Variants in GRM5 observed in about 807,000 individuals in gnomAD.
GRM5 encodes metabotropic glutamate receptor 5.
A neutral mutation model predicts 83.1 loss-of-function variants in GRM5; 19 were observed. The ratio of observed to expected loss-of-function variants is 0.23; its 90% CI spans 0.16 to 0.34. GRM5 has a LOEUF of 0.34. GRM5 is among the 10% of genes least tolerant of loss of function. GRM5 has a pLI of 1.00. For synonymous variants in GRM5, 675 were observed against 633.6 expected (o/e 1.07, Z -0.98); for missense variants, 1,160 against 1,588.3 (o/e 0.73, Z 4.58).
chr11:88,809,951 T>A (rs754850268), intron 3 of GRM5, among the ~76,000 whole-genome samples: 12 of 152,058 alleles, frequency 7.9e-5, no homozygotes, highest in Non-Finnish European at 1.5e-4. Flanking sequence ...ATATTTGAAT[T>A]TAATTGTGTG....
chr11:88,754,267 C>T (rs1174958587), intron 3 of GRM5, among the ~76,000 whole-genome samples: 2 of 152,152 alleles, frequency 1.3e-5, no homozygotes, highest in East Asian at 1.9e-4. Flanking sequence ...GAGCAACACA[C>T]ACTGGGTCCT....
At chr11:88,709,788 G>C (rs1941242992) in intron 3 of GRM5, among the ~76,000 whole-genome samples, 1 of 152,120 alleles carries the variant, frequency 6.6e-6, no homozygotes, top group Admixed American at 6.5e-5. Context: ...TTTTGAATGT[G>C]TGAATGCCCC....
chr11:88,590,127 G>T (rs1937613130), intron 7 of GRM5, among the ~76,000 whole-genome samples: 1 of 152,100 alleles, frequency 6.6e-6, no homozygotes, highest in African/African-American at 2.4e-5. Context: ...ATACTTAAAA[G>T]CATATTAGTT....
chr11:89,035,257 A>T (rs1230853977), intron 2 of GRM5, among the ~76,000 whole-genome samples: 1 of 151,802 alleles, frequency 6.6e-6, no homozygotes, highest in Non-Finnish European at 1.5e-5. Flanking sequence ...GTACATGTGC[A>T]CTAATTCCAT....
chr11:88,768,870 T>C (rs1942673431), intron 3 of GRM5, among the ~76,000 whole-genome samples: 1 of 151,928 alleles, frequency 6.6e-6, no homozygotes, highest in Non-Finnish European at 1.5e-5. Flanking sequence ...CTCCAGAAGG[T>C]GTGTAGCCCA....
intron 4 of GRM5, among the ~76,000 whole-genome samples, chr11:88,626,517 C>T (rs190553732): frequency 3.3e-5 from 5 of 152,022 alleles, no homozygotes; most frequent in East Asian, 3.9e-4. Context: ...TTTATGTGTT[C>T]GGAAGTGTTG....
intron 3 of GRM5, among the ~76,000 whole-genome samples, chr11:88,672,516 GTTATT>G (rs1210589863): frequency 2.6e-5 from 4 of 151,992 alleles, no homozygotes; most frequent in African/African-American, 7.2e-5. Context: ...TTGAAGAAAA[GTTATT>G]TTATTTTTTA....
intron 3 of GRM5, among the ~76,000 whole-genome samples, chr11:88,776,477 A>G (rs1298160395): frequency 6.6e-6 from 1 of 152,164 alleles, no homozygotes; most frequent in East Asian, 1.9e-4. Context: ...TGGTCTGGTC[A>G]TTATGATGCT....
In GRM5 at chr11:89,064,923, A is replaced by T. The variant is rs374008337; in HGVS notation, c.-201+853T>A. On this transcript the variant is annotated intron_variant, in intron 1 of 9. Transcript: ENST00000305447. ...GTGTGTGTGTGTGTGTGTGAGAGAGAGAGAGAGAGAGAGAGAGGGAGAGAG... is the reference window on the plus strand; with the variant it reads ...GTGTGTGTGTGTGTGTGTGAGAGAGTGAGAGAGAGAGAGAGAGGGAGAGAG... Among the ~76,000 whole-genome samples, 98 of 64,432 alleles carry T rather than the reference A, an allele frequency of 1.5e-3. 1 individual carries two copies. Among genetic ancestry groups the T allele is most frequent in the Middle Eastern group, 0.014 (1 of 74 alleles). The allele number at this position is 64,432 out of a possible 152,430, so 42.3% of individuals were successfully genotyped here.
chr11:88,759,964 T>C (rs1014538425), intron 3 of GRM5, among the ~76,000 whole-genome samples: 5 of 152,136 alleles, frequency 3.3e-5, no homozygotes, highest in Admixed American at 1.3e-4. Context: ...AATAATGTGC[T>C]CCTGAATGAC....
At chr11:89,004,888 C>T (rs1940480967) in intron 2 of GRM5, among the ~76,000 whole-genome samples, 1 of 152,208 alleles carries the variant, frequency 6.6e-6, no homozygotes, top group African/African-American at 2.4e-5. Flanking sequence ...TATTTAAAGA[C>T]ACTGTCCTTC....
chr11:88,855,767 C>T (rs180734437), intron 2 of GRM5, among the ~76,000 whole-genome samples: 11 of 151,844 alleles, frequency 7.2e-5, no homozygotes, highest in African/African-American at 2.2e-4. Flanking sequence ...TTGCCTATTG[C>T]ATATATTCAT....
At chr11:88,804,702 T>A (rs958786793) in intron 3 of GRM5, among the ~76,000 whole-genome samples, 1 of 151,560 alleles carries the variant, frequency 6.6e-6, no homozygotes, top group East Asian at 1.9e-4. Flanking sequence ...TAAAATAAAA[T>A]AAAAAAACAA....
intron 1 of GRM5, among the ~76,000 whole-genome samples, chr11:89,059,713 G>A (rs923690521): frequency 3.3e-5 from 5 of 152,070 alleles, no homozygotes; most frequent in African/African-American, 1.2e-4. Context: ...AAAGGCCTGG[G>A]TAGGATTGAT....
chr11:88,713,282 G>A (rs570904002), intron 3 of GRM5, among the ~76,000 whole-genome samples: 2 of 152,064 alleles, frequency 1.3e-5, no homozygotes, highest in Admixed American at 6.6e-5. Flanking sequence ...GGCTTATTAC[G>A]GTGCAGTGCA....
At chr11:88,666,718 T>C (rs1940054501) in intron 3 of GRM5, among the ~76,000 whole-genome samples, 1 of 150,648 alleles carries the variant, frequency 6.6e-6, no homozygotes, top group African/African-American at 2.5e-5. Flanking sequence ...CCAACAAAAA[T>C]GGAAACTGCT....
intron 3 of GRM5, among the ~76,000 whole-genome samples, chr11:88,667,897 GAAAAAAAAAA>G (rs1940085470): frequency 1.5e-5 from 2 of 130,804 alleles, no homozygotes; most frequent in Admixed American, 1.5e-4. Flanking sequence ...TATCAAAAAA[GAAAAAAAAAA>G]GAAAAAAAAT....
At chr11:88,594,051 T>G (rs1937729725) in intron 6 of GRM5, among the ~76,000 whole-genome samples, 2 of 152,022 alleles carry the variant, frequency 1.3e-5, no homozygotes, top group Admixed American at 6.6e-5. Context: ...CCTAGGCCTC[T>G]CAAAGTGCTG....
intron 3 of GRM5, among the ~76,000 whole-genome samples, chr11:88,819,104 A>G (rs1410095197): frequency 1.3e-5 from 2 of 152,220 alleles, no homozygotes; most frequent in Non-Finnish European, 1.5e-5. Flanking sequence ...CAAATCACTA[A>G]CAAGAATGCT....
Sources: allele counts gnomAD v4.1 joint callset (sites outside exome capture counted in the v4.1 genomes callset), GRCh38; gene constraint gnomAD v4.1.1; transcripts MANE v1.5; gene names NCBI Gene and HGNC (gene_info 2026-07-23, HGNC 2026-07-21).